The following PHEX variants were observed in gnomAD, a reference collection of about 807,000 sequenced individuals.
PHEX encodes phosphate regulating endopeptidase X-linked.
In PHEX, 16 loss-of-function variants were observed where a neutral mutation model predicts 68.0. The observed-to-expected ratio is 0.24, with a 90% CI of 0.16 to 0.36. PHEX has a LOEUF of 0.36. PHEX is among the 10% of genes least tolerant of loss of function. The pLI is 1.00. For missense variants in PHEX, 480 were observed against 575.5 expected (o/e 0.83, Z 1.70); for synonymous variants, 208 against 205.1 (o/e 1.01, Z -0.12).
chrX:22,195,737 T>C lies in PHEX; in HGVS notation c.1645+5235T>C, dbSNP rs1025567081. 5.4e-5 allele frequency among the ~76,000 whole-genome samples: 6 copies of C among 112,057 alleles called. No homozygotes were observed. In the Admixed American group the frequency reaches 5.7e-4, roughly 11 times the overall value. Reference sequence around the variant, plus strand: ...TGTATAAAGTTCAGGAACAGGCAAATACATCTATATGATAGAAGTTAAAAT... The same window carrying C: ...TGTATAAAGTTCAGGAACAGGCAAACACATCTATATGATAGAAGTTAAAAT... On this transcript the variant is annotated intron_variant, in intron 15 of 21. Coordinates refer to ENST00000379374, the MANE Select transcript of PHEX (RefSeq NM_000444.6).
chrX:22,054,388 G>A (rs1346951599), intron 3 of PHEX, among the ~76,000 whole-genome samples: 1 of 111,960 alleles, frequency 8.9e-6, no homozygotes, highest in East Asian at 2.8e-4. Flanking sequence ...GCCCACCTCA[G>A]CCTCCCAAAG....
At chrX:22,033,164 C>T (rs778229143) in intron 1 of PHEX, 41 bp downstream of exon 1, 9 of 972,143 alleles carry the variant, frequency 9.3e-6, no homozygotes, top group African/African-American at 7.6e-5. Flanking sequence ...GGGTGTGTGT[C>T]GAGAAGTTTC....
At chrX:22,233,981 C>G (rs1935864748) in intron 20 of PHEX, among the ~76,000 whole-genome samples, 1 of 112,057 alleles carries the variant, frequency 8.9e-6, no homozygotes, top group South Asian at 3.7e-4. Flanking sequence ...TGTTGGTGAC[C>G]TTCGGATGGG....
Position 22,077,657 on chromosome X carries a change from G to A in PHEX, c.618G>A (p.Leu206=), listed in dbSNP as rs773617103. Residue 206 remains leucine (L), a synonymous_variant, in exon 5 of 22, where the codon TTG becomes TTA. Transcript: ENST00000379374. The stretch of plus-strand genomic sequence containing the variant: ...ACAGCAATTCTGTGTTCATCCGTTT[G>A]TATGTGTCCCCTGATGACAAAGCAT... The part of the protein sequence containing the change: ...GQYSNSVFIR[L]YVSPDDKASN... 8.3e-7 allele frequency: 1 copy of A among 1,207,777 alleles called. No homozygotes were observed. Among genetic ancestry groups the A allele is most frequent in the East Asian group, 3.0e-5 (1 of 33,741 alleles).
At chrX:22,187,905 C>G (rs1934080765) in intron 14 of PHEX, among the ~76,000 whole-genome samples, 1 of 111,772 alleles carries the variant, frequency 8.9e-6, no homozygotes, top group South Asian at 3.8e-4. Context: ...GTCAGACAGA[C>G]CAGGCCTCGT....
At position 22,119,192 on chromosome X, in the gene PHEX, T is replaced by C. The variant is rs750243957; in HGVS notation, c.1302+4606T>C. 5.9e-3 allele frequency among the ~76,000 whole-genome samples: 658 copies of C among 111,809 alleles called. 3 individuals are homozygous for C. Among genetic ancestry groups the C allele is most frequent in the African/African-American group, 0.02 (602 of 30,793 alleles). ...CATGAGCCACTACCCCTGGCCTCCA[T>C]TGACTTTTATATTAACATTTTCTCC... On this transcript the variant is annotated intron_variant, in intron 11 of 21. Coordinates refer to ENST00000379374, the MANE Select transcript of PHEX (RefSeq NM_000444.6).
intron 20 of PHEX, among the ~76,000 whole-genome samples, chrX:22,235,003 A>G (rs890565022): frequency 9.0e-6 from 1 of 111,358 alleles, no homozygotes; most frequent in African/African-American, 3.3e-5. Flanking sequence ...GGTTGCGAAG[A>G]CCGTGGGGAA....
intron 14 of PHEX, among the ~76,000 whole-genome samples, chrX:22,185,296 A>G (rs1488982649): frequency 8.9e-6 from 1 of 112,460 alleles, no homozygotes; most frequent in Non-Finnish European, 1.9e-5. Flanking sequence ...GTATACATGC[A>G]ATAAATTCAT....
chrX:22,182,017 A>T (rs748846755), intron 14 of PHEX, among the ~76,000 whole-genome samples: 1 of 111,756 alleles, frequency 8.9e-6, no homozygotes, highest in South Asian at 3.7e-4. Context: ...ATTGTCTACA[A>T]ACAAGGGTAA....
chrX:22,157,432 T>C (rs1932985997), intron 12 of PHEX, among the ~76,000 whole-genome samples: 1 of 112,728 alleles, frequency 8.9e-6, no homozygotes, highest in Non-Finnish European at 1.9e-5. Flanking sequence ...TATTAATTAA[T>C]CATAAGGTGG....
chrX:22,233,175 C>CTGTT (rs1316137653), intron 20 of PHEX, among the ~76,000 whole-genome samples: 7 of 111,461 alleles, frequency 6.3e-5, no homozygotes, highest in Non-Finnish European at 1.9e-5. Flanking sequence ...GAGAGATCCA[C>CTGTT]TGTTTGTTAG....
At chrX:22,074,321 C>T (rs1022630860) in intron 3 of PHEX, among the ~76,000 whole-genome samples, 1 of 109,349 alleles carries the variant, frequency 9.1e-6, no homozygotes, top group Non-Finnish European at 1.9e-5. Context: ...AAGGGTATGG[C>T]AAGGAACTTG....
chrX:22,230,595 T>C (rs1361509764), intron 20 of PHEX, among the ~76,000 whole-genome samples: 1 of 110,388 alleles, frequency 9.1e-6, no homozygotes. Context: ...GATTGGTGTA[T>C]AGGAATGCTT....
At chrX:22,075,123 T>G (rs7878063) in intron 3 of PHEX, among the ~76,000 whole-genome samples, 7,553 of 108,807 alleles carry the variant, frequency 0.069, 437 homozygotes, top group African/African-American at 0.18. Context: ...ATTTTATTAT[T>G]ATGATGATAC....
intron 11 of PHEX, among the ~76,000 whole-genome samples, chrX:22,132,308 G>A (rs963906060): frequency 9.0e-6 from 1 of 110,700 alleles, no homozygotes; most frequent in Non-Finnish European, 1.9e-5. Context: ...AGGTCCTCTT[G>A]TGTTGCCCAG....
At chrX:22,246,137 T>C (rs1049793082) in intron 21 of PHEX, among the ~76,000 whole-genome samples, 3 of 112,068 alleles carry the variant, frequency 2.7e-5, no homozygotes, top group Non-Finnish European at 5.6e-5. Flanking sequence ...ATTGCAGTCT[T>C]ATTTGTCAGA....
intron 7 of PHEX, among the ~76,000 whole-genome samples, chrX:22,096,027 A>G (rs1221997646): frequency 8.9e-6 from 1 of 111,930 alleles, no homozygotes; most frequent in Non-Finnish European, 1.9e-5. Flanking sequence ...TGCTAGATGC[A>G]GTGAGTCTTG....
chrX:22,118,339 CAAAAAAAAAAAAAAA>C (rs1157170753), intron 11 of PHEX, among the ~76,000 whole-genome samples: 1 of 21,111 alleles, frequency 4.7e-5, no homozygotes, highest in Non-Finnish European at 8.5e-5. Flanking sequence ...TAAACAGCAC[CAAAAAAAAAAAAAAA>C]AAAAAAAAAA....
chrX:22,122,789 G>T (rs780121138), intron 11 of PHEX, among the ~76,000 whole-genome samples: 1 of 110,669 alleles, frequency 9.0e-6, no homozygotes, highest in East Asian at 2.9e-4. Context: ...TCTGCTTCAT[G>T]TGTCCTGCTT....
Sources: allele counts gnomAD v4.1 joint callset (sites outside exome capture counted in the v4.1 genomes callset), GRCh38; gene constraint gnomAD v4.1.1; transcripts MANE v1.5; gene names NCBI Gene and HGNC (gene_info 2026-07-23, HGNC 2026-07-21).